The following SMG6 variants were observed in gnomAD, a reference collection of about 807,000 sequenced individuals.
SMG6 encodes the protein SMG6 nonsense mediated mRNA decay factor.
Under a neutral mutation model 142.2 loss-of-function variants are expected in SMG6, and 66 were observed. That is an observed-to-expected ratio of 0.46 (90% CI 0.38 to 0.57). The LOEUF is 0.57. SMG6 is among the 20% of genes least tolerant of loss of function. The pLI, the probability that SMG6 is intolerant of heterozygous loss-of-function variation, is 0.00. For missense variants in SMG6, 1,793 were observed against 1,832.0 expected, an observed-to-expected ratio of 0.98 and a Z score of 0.39; for synonymous variants, 779 against 702.4, an observed-to-expected ratio of 1.11 and a Z score of -1.72.
intron 8 of SMG6, among the ~76,000 whole-genome samples, chr17:2,281,005 G>A (rs1331054430): frequency 7.9e-5 from 12 of 152,146 alleles, no homozygotes; most frequent in South Asian, 2.1e-4. Flanking sequence ...TCAGGATTTC[G>A]ATCGCATCAC....
intron 6 of SMG6, among the ~76,000 whole-genome samples, chr17:2,286,887 G>C (rs947524504): frequency 7.4e-5 from 11 of 148,102 alleles, no homozygotes; most frequent in East Asian, 2.0e-4. Context: ...AATATATAAA[G>C]AACTCATACA....
At chr17:2,276,973 G>A (rs1017223869) in intron 8 of SMG6, among the ~76,000 whole-genome samples, 3 of 151,314 alleles carry the variant, frequency 2.0e-5, no homozygotes, top group Non-Finnish European at 4.4e-5. Context: ...TAGAGATGGG[G>A]TTTCTCCATG....
intron 10 of SMG6, among the ~76,000 whole-genome samples, chr17:2,226,148 G>C (rs2073310152): frequency 6.6e-6 from 1 of 152,134 alleles, no homozygotes; most frequent in South Asian, 2.1e-4. Context: ...GGTGGCGCAT[G>C]CCTGTAATCC....
intron 1 of SMG6, chr17:2,303,358 G>A (rs986979322): frequency 1.7e-6 from 2 of 1,207,022 alleles, no homozygotes; most frequent in Non-Finnish European, 2.1e-6. Flanking sequence ...GAGAGGGCTG[G>A]GGCAAAAGGA....
chr17:2,125,827 C>T (rs2069857064), intron 13 of SMG6, among the ~76,000 whole-genome samples: 1 of 151,950 alleles, frequency 6.6e-6, no homozygotes, highest in Admixed American at 6.6e-5. Flanking sequence ...GTGGCGCATG[C>T]CTGTAATCCC....
intron 13 of SMG6, among the ~76,000 whole-genome samples, chr17:2,086,873 G>A (rs1341337954): frequency 6.6e-6 from 1 of 152,152 alleles, no homozygotes; most frequent in Non-Finnish European, 1.5e-5. Flanking sequence ...AGGGAGAGGG[G>A]CCCTGCTGGA....
chr17:2,075,930 T>G (rs1044727395), intron 15 of SMG6, among the ~76,000 whole-genome samples: 1 of 152,118 alleles, frequency 6.6e-6, no homozygotes, highest in Non-Finnish European at 1.5e-5. Context: ...TGACCTCCAG[T>G]CGGCCCCACT....
chr17:2,280,273 T>C (rs2074755431), intron 8 of SMG6, among the ~76,000 whole-genome samples: 1 of 152,128 alleles, frequency 6.6e-6, no homozygotes, highest in Non-Finnish European at 1.5e-5. Context: ...TCTTTTTCTT[T>C]TTTTTTTGAG....
Position 2,060,033 on chromosome 17 carries a change from C to T in SMG6, c.*1459G>A, listed in dbSNP as rs763627447. On this transcript the variant is annotated 3_prime_UTR_variant, in exon 19 of 19. Transcript: ENST00000263073. The stretch of plus-strand genomic sequence containing the variant: ...TCTGAGACTCTAGGGGACTCCTACC[C>T]CCAAACTACTGGCCTTGGCTCCCCT... The T allele has an allele frequency of 6.6e-6, 1 of 152,482 alleles. No homozygotes were observed. Among genetic ancestry groups the T allele is most frequent in the African/African-American group, 2.4e-5 (1 of 41,444 alleles). 9.4% of individuals were successfully genotyped at this position (152,482 alleles called of 1,614,324 possible).
chr17:2,123,714 G>C (rs1008905635), intron 13 of SMG6, among the ~76,000 whole-genome samples: 2 of 152,206 alleles, frequency 1.3e-5, no homozygotes, highest in African/African-American at 4.8e-5. Flanking sequence ...CTCTGAAATA[G>C]CACCGAAGTG....
chr17:2,202,761 C>T (rs1381154969), intron 10 of SMG6, among the ~76,000 whole-genome samples: 2 of 152,192 alleles, frequency 1.3e-5, no homozygotes, highest in Admixed American at 6.5e-5. Flanking sequence ...CACTGATAAC[C>T]TGCTTTATGA....
intron 10 of SMG6, chr17:2,235,821 C>T (rs2073635265): frequency 6.6e-6 from 1 of 152,570 alleles, no homozygotes; most frequent in Non-Finnish European, 1.5e-5. Flanking sequence ...CTGACCTGGT[C>T]ATCAGAACAT....
chr17:2,223,353 T>C (rs78887788), intron 10 of SMG6, among the ~76,000 whole-genome samples: 759 of 152,314 alleles, frequency 5.0e-3, no homozygotes, highest in Non-Finnish European at 7.7e-3. Context: ...TTTCTGAACA[T>C]AAGCTTCAAG....
chr17:2,155,114 G>A (rs2070961184), intron 13 of SMG6, among the ~76,000 whole-genome samples: 1 of 151,252 alleles, frequency 6.6e-6, no homozygotes, highest in African/African-American at 2.4e-5. Context: ...GTGCAGTGGT[G>A]GGATCTCAGC....
intron 10 of SMG6, among the ~76,000 whole-genome samples, chr17:2,215,001 T>C (rs1018985881): frequency 1.3e-5 from 2 of 152,228 alleles, no homozygotes; most frequent in Non-Finnish European, 2.9e-5. Flanking sequence ...AATGCTGCGA[T>C]ACCAAAGCCA....
At chr17:2,262,796 G>A (rs1266816585) in intron 8 of SMG6, among the ~76,000 whole-genome samples, 2 of 152,052 alleles carry the variant, frequency 1.3e-5, no homozygotes, top group East Asian at 1.9e-4. Context: ...TTACTTTTCT[G>A]TGTGCAGTAC....
intron 13 of SMG6, chr17:2,086,980 C>T (rs2068579948): frequency 7.8e-7 from 1 of 1,283,986 alleles, no homozygotes; most frequent in Non-Finnish European, 1.0e-6. Flanking sequence ...CACTGACTAG[C>T]CCCTGCCTCT....
At chr17:2,101,701 C>T (rs2069012226) in intron 13 of SMG6, 1 of 152,216 alleles carries the variant, frequency 6.6e-6, no homozygotes, top group African/African-American at 2.4e-5. Flanking sequence ...TACTACAAGC[C>T]AGGCACTGTG....
chr17:2,062,421 C>T (rs2067809418), intron 18 of SMG6: 1 of 152,158 alleles, frequency 6.6e-6, no homozygotes. Flanking sequence ...GCATCATGAT[C>T]ATATTAGCCA....
Sources: gnomAD v4.1 joint callset for allele counts (sites outside exome capture counted in the v4.1 genomes callset) on GRCh38, gnomAD v4.1.1 for gene constraint, MANE v1.5 for transcripts, NCBI Gene and HGNC (gene_info 2026-07-23, HGNC 2026-07-21) for gene names.